The following SYT15B variants were observed in gnomAD, a reference collection of about 807,000 sequenced individuals.
SYT15B encodes the protein synaptotagmin-15.
chr10:47,748,444 C>T, the SYT15B span, among the ~76,000 whole-genome samples: 1 of 151,938 alleles, frequency 6.6e-6, no homozygotes, highest in Non-Finnish European at 1.5e-5. Context: ...AACTTCTGAC[C>T]TCAGGTGATC....
chr10:47,756,567 C>T, the SYT15B span, among the ~76,000 whole-genome samples: 103 of 148,380 alleles, frequency 6.9e-4, no homozygotes, highest in African/African-American at 2.4e-3. Context: ...GCCCCTTAAA[C>T]ACCTTGTACA....
the SYT15B span, among the ~76,000 whole-genome samples, chr10:47,762,233 G>C: frequency 1.3e-5 from 2 of 152,048 alleles, no homozygotes; most frequent in Non-Finnish European, 2.9e-5. Context: ...GGGAGGAAGA[G>C]GGGGCAAGGC....
chr10:47,747,273 G>A, the SYT15B span, among the ~76,000 whole-genome samples: 1 of 152,038 alleles, frequency 6.6e-6, no homozygotes, highest in Admixed American at 6.5e-5. Context: ...GAACTGAAGG[G>A]GCCAAGATAT....
chr10:47,756,662 C>T, the SYT15B span, among the ~76,000 whole-genome samples: 1 of 152,308 alleles, frequency 6.6e-6, no homozygotes, highest in African/African-American at 2.4e-5. Context: ...CAGATGTGAA[C>T]ACAAACAGGT....
chr10:47,749,315 G>T, the SYT15B span, among the ~76,000 whole-genome samples: 1 of 147,204 alleles, frequency 6.8e-6, no homozygotes, highest in Non-Finnish European at 1.5e-5. Context: ...AATACTAAAG[G>T]GAATTCTTCA....
chr10:47,749,049 A>G, the SYT15B span, among the ~76,000 whole-genome samples: 1 of 80,442 alleles, frequency 1.2e-5, no homozygotes, highest in Non-Finnish European at 2.5e-5. Flanking sequence ...CCTGAGCAAC[A>G]TGGTGAAATC....
the SYT15B span, among the ~76,000 whole-genome samples, chr10:47,747,167 C>T: frequency 6.6e-6 from 1 of 151,316 alleles, no homozygotes; most frequent in African/African-American, 2.4e-5. Flanking sequence ...AGAGGCCGAG[C>T]ATTTGGGCAG....
the SYT15B span, among the ~76,000 whole-genome samples, chr10:47,748,117 A>G: frequency 6.6e-6 from 1 of 152,026 alleles, no homozygotes; most frequent in African/African-American, 2.4e-5. Context: ...TTAAATAAAT[A>G]TAGGCTGAGA....
chr10:47,750,867 C>T, the SYT15B span: 3 of 151,812 alleles, frequency 2.0e-5, no homozygotes, highest in Admixed American at 2.0e-4. Context: ...AAAGTGTACA[C>T]ACCCTGCTGG....
chr10:47,756,622 G>A, the SYT15B span, among the ~76,000 whole-genome samples: 1 of 152,236 alleles, frequency 6.6e-6, no homozygotes, highest in Non-Finnish European at 1.5e-5. Context: ...ACAGTGGAAG[G>A]TCTGGATCCT....
At chr10:47,750,775 G>A in the SYT15B span, 2 of 150,692 alleles carry the variant, frequency 1.3e-5, no homozygotes, top group Non-Finnish European at 2.9e-5. Context: ...TTATGGCCAT[G>A]CTCCCTCTAA....
At chr10:47,747,271 G>A in the SYT15B span, among the ~76,000 whole-genome samples, 1 of 152,086 alleles carries the variant, frequency 6.6e-6, no homozygotes, top group African/African-American at 2.4e-5. Flanking sequence ...TGGAACTGAA[G>A]GGGCCAAGAT....
At chr10:47,759,903 A>C in the SYT15B span, 1 of 1,603,030 alleles carries the variant, frequency 6.2e-7, no homozygotes, top group Non-Finnish European at 8.5e-7. Flanking sequence ...CTCTGGGTTG[A>C]TGGCCCCCAC....
the SYT15B span, among the ~76,000 whole-genome samples, chr10:47,748,132 T>A: frequency 6.6e-6 from 1 of 151,898 alleles, no homozygotes; most frequent in African/African-American, 2.4e-5. Context: ...CTGAGAACTT[T>A]CCAAAACTGA....
the SYT15B span, among the ~76,000 whole-genome samples, chr10:47,747,286 T>C: frequency 2.0e-5 from 3 of 151,988 alleles, no homozygotes; most frequent in East Asian, 5.8e-4. Context: ...CAAGATATCA[T>C]GTAGAAGGGA....
chr10:47,760,199 TG>T, the SYT15B span, among the ~76,000 whole-genome samples: 2 of 60,958 alleles, frequency 3.3e-5, no homozygotes, highest in Non-Finnish European at 7.1e-5. Context: ...CCCCCATCCT[TG>T]GAGGTCAGGA....
At chr10:47,756,781 C>G in the SYT15B span, among the ~76,000 whole-genome samples, 1 of 150,246 alleles carries the variant, frequency 6.7e-6, no homozygotes, top group East Asian at 2.0e-4. Flanking sequence ...CTCCTGTATT[C>G]TGGGAGGCCA....
At chr10:47,746,990 T>C in the SYT15B span, among the ~76,000 whole-genome samples, 1 of 129,036 alleles carries the variant, frequency 7.7e-6, no homozygotes, top group Non-Finnish European at 1.6e-5. Flanking sequence ...CAAGAACAAC[T>C]GGAAAGGCTG....
At chr10:47,755,157 A>G in the SYT15B span, among the ~76,000 whole-genome samples, 7 of 151,320 alleles carry the variant, frequency 4.6e-5, no homozygotes, top group East Asian at 3.9e-4. Context: ...GAATTTTACT[A>G]TGTTGGCCAG....
Sources: gnomAD v4.1 joint callset for allele counts (sites outside exome capture counted in the v4.1 genomes callset) on GRCh38, gnomAD v4.1.1 for gene constraint, MANE v1.5 for transcripts, NCBI Gene and HGNC (gene_info 2026-07-23, HGNC 2026-07-21) for gene names.